SEMA3E: variants seen among roughly 807,000 people sequenced by gnomAD.
SEMA3E encodes the protein semaphorin 3E, also known as semaphorin-3E.
A neutral mutation model predicts 93.6 loss-of-function variants in SEMA3E; 49 were observed. That is an observed-to-expected ratio of 0.52 (90% CI 0.42 to 0.66). The LOEUF (loss-of-function observed/expected upper bound fraction) is 0.66, where lower values mean the gene tolerates loss of function less well. Among genes scored for constraint, SEMA3E ranks in the 30% least tolerant of loss-of-function variants. The pLI is 0.00. For missense variants in SEMA3E, 906 were observed against 964.8 expected (o/e 0.94, Z 0.81); for synonymous variants, 363 against 330.7 (o/e 1.10, Z -1.06).
intron 1 of SEMA3E, among the ~76,000 whole-genome samples, chr7:83,525,012 T>C (rs1791126362): frequency 6.6e-6 from 1 of 152,008 alleles, no homozygotes; most frequent in Non-Finnish European, 1.5e-5. Context: ...AATCATCCTG[T>C]TTTACTGAAG....
chr7:83,639,917 A>G (rs532925479), intron 1 of SEMA3E, among the ~76,000 whole-genome samples: 15 of 151,996 alleles, frequency 9.9e-5, no homozygotes, highest in Non-Finnish European at 2.1e-4. Flanking sequence ...ACATTTCTAT[A>G]CTTGGAAAGG....
chr7:83,503,349 A>AT (rs1790635149), intron 1 of SEMA3E, among the ~76,000 whole-genome samples: 2 of 151,978 alleles, frequency 1.3e-5, no homozygotes, highest in Admixed American at 1.3e-4. Context: ...TTCTTTATTT[A>AT]TTAATTTATA....
chr7:83,635,025 C>T (rs1050053871), intron 1 of SEMA3E, among the ~76,000 whole-genome samples: 2 of 151,958 alleles, frequency 1.3e-5, no homozygotes, highest in African/African-American at 4.8e-5. Flanking sequence ...TTTATCCAGA[C>T]CTTAAACTGA....
chr7:83,601,470 C>G (rs1792996457), intron 1 of SEMA3E, among the ~76,000 whole-genome samples: 1 of 151,678 alleles, frequency 6.6e-6, no homozygotes. Flanking sequence ...AGAATGCACA[C>G]AAGTTTTCTT....
At chr7:83,387,129 T>C in intron 14 of SEMA3E, 79 bp from the exon 15 acceptor site, 2 of 1,128,848 alleles carry the variant, frequency 1.8e-6, no homozygotes. Flanking sequence ...GCATTTCATA[T>C]ACAAGTAGTA....
At chr7:83,504,958 A>T (rs931063776) in intron 1 of SEMA3E, among the ~76,000 whole-genome samples, 37 of 152,054 alleles carry the variant, frequency 2.4e-4, no homozygotes, top group African/African-American at 8.7e-4. Context: ...TCCTATTGTC[A>T]CTTATCATTT....
At chr7:83,629,890 T>G (rs763722678) in intron 1 of SEMA3E, among the ~76,000 whole-genome samples, 41 of 152,146 alleles carry the variant, frequency 2.7e-4, no homozygotes, top group Non-Finnish European at 5.0e-4. Context: ...CACCCAGCTT[T>G]GTGCTTGAAA....
intron 1 of SEMA3E, among the ~76,000 whole-genome samples, chr7:83,553,343 T>G (rs2115809158): frequency 6.6e-6 from 1 of 152,252 alleles, no homozygotes; most frequent in Admixed American, 6.5e-5. Flanking sequence ...ACTCACAATT[T>G]TAGTCTCTTT....
intron 4 of SEMA3E, among the ~76,000 whole-genome samples, chr7:83,439,591 TTAAA>T (rs1372346871): frequency 1.3e-5 from 2 of 152,174 alleles, no homozygotes; most frequent in Admixed American, 6.6e-5. Flanking sequence ...CTGATAACAA[TTAAA>T]TAATTATTTC....
At chr7:83,527,643 T>C (rs1192630280) in intron 1 of SEMA3E, among the ~76,000 whole-genome samples, 1 of 152,160 alleles carries the variant, frequency 6.6e-6, no homozygotes. Flanking sequence ...GCTTTGGGGT[T>C]TCAATATTTC....
At chr7:83,505,798 A>G (rs894437283) in intron 1 of SEMA3E, among the ~76,000 whole-genome samples, 16 of 152,006 alleles carry the variant, frequency 1.1e-4, no homozygotes, top group Admixed American at 8.5e-4. Context: ...GGCAGATCAC[A>G]AGGTCAGGAG....
At chr7:83,614,031 G>C (rs1214665251) in intron 1 of SEMA3E, among the ~76,000 whole-genome samples, 1 of 152,072 alleles carries the variant, frequency 6.6e-6, no homozygotes, top group African/African-American at 2.4e-5. Context: ...AAAAATGGAA[G>C]TGAGAATTAT....
intron 14 of SEMA3E, among the ~76,000 whole-genome samples, chr7:83,388,971 T>C (rs938109749): frequency 2.0e-5 from 3 of 152,014 alleles, no homozygotes; most frequent in Admixed American, 2.0e-4. Flanking sequence ...CAATCAATTT[T>C]TGGGATTATG....
intron 1 of SEMA3E, among the ~76,000 whole-genome samples, chr7:83,611,567 A>G: frequency 6.6e-6 from 1 of 151,172 alleles, no homozygotes; most frequent in East Asian, 1.9e-4. Context: ...GACAGCTTCA[A>G]TCTTCCAGCT....
chr7:83,620,186 A>T (rs1414445101), intron 1 of SEMA3E, among the ~76,000 whole-genome samples: 1 of 150,680 alleles, frequency 6.6e-6, no homozygotes, highest in East Asian at 1.9e-4. Context: ...CTTCCATACT[A>T]AAAAAAAATA....
intron 1 of SEMA3E, among the ~76,000 whole-genome samples, chr7:83,549,739 T>C (rs1791722413): frequency 1.3e-5 from 2 of 152,106 alleles, no homozygotes; most frequent in African/African-American, 4.8e-5. Context: ...CAGACAAGTA[T>C]ACTAAAAGTT....
chr7:83,543,539 A>T (rs117213280), intron 1 of SEMA3E, among the ~76,000 whole-genome samples: 13 of 152,070 alleles, frequency 8.5e-5, no homozygotes, highest in Non-Finnish European at 1.6e-4. Context: ...CTCTTTTGTA[A>T]TGGGAAGTTT....
At chr7:83,389,336 A>ATTTTATACTATCCCCGT (rs753668404) in intron 14 of SEMA3E, among the ~76,000 whole-genome samples, 2 of 151,118 alleles carry the variant, frequency 1.3e-5, no homozygotes, top group African/African-American at 2.4e-5. Context: ...GAATAAAATC[A>ATTTTATACTATCCCCGT]ACAAAATGAG....
intron 1 of SEMA3E, among the ~76,000 whole-genome samples, chr7:83,594,179 C>T (rs1488533905): frequency 6.6e-6 from 1 of 152,014 alleles, no homozygotes; most frequent in African/African-American, 2.4e-5. Flanking sequence ...TTTATGCTGT[C>T]TGTCAAAATA....
Sources: allele counts gnomAD v4.1 joint callset (sites outside exome capture counted in the v4.1 genomes callset), GRCh38; gene constraint gnomAD v4.1.1; transcripts MANE v1.5; gene names NCBI Gene and HGNC (gene_info 2026-07-23, HGNC 2026-07-21).